The following CNTN5 variants were observed in gnomAD, a reference collection of about 807,000 sequenced individuals.
CNTN5 encodes the protein contactin-5.
In CNTN5, 77 loss-of-function variants were observed where a neutral mutation model predicts 129.1. That is an observed-to-expected ratio of 0.60 (90% CI 0.50 to 0.72). The LOEUF (loss-of-function observed/expected upper bound fraction) is 0.72, where lower values mean the gene tolerates loss of function less well. CNTN5 is among the 30% of genes least tolerant of loss of function. The pLI, the probability that CNTN5 is intolerant of heterozygous loss-of-function variation, is 0.00. For missense variants in CNTN5, 1,478 were observed against 1,328.8 expected (o/e 1.11, Z -1.75); for synonymous variants, 509 against 465.6 (o/e 1.09, Z -1.20).
At chr11:100,107,487 T>C (rs1004617120) in intron 13 of CNTN5, among the ~76,000 whole-genome samples, 1 of 134,842 alleles carries the variant, frequency 7.4e-6, no homozygotes, top group African/African-American at 3.0e-5. Flanking sequence ...ACTATAGTAT[T>C]CTTTTTTTTT....
At chr11:99,292,287 T>C (rs1379595890) in intron 1 of CNTN5, among the ~76,000 whole-genome samples, 1 of 150,738 alleles carries the variant, frequency 6.6e-6, no homozygotes, top group Non-Finnish European at 1.5e-5. Context: ...TCCACATTAA[T>C]AGTCCCTTGA....
intron 1 of CNTN5, among the ~76,000 whole-genome samples, chr11:99,309,476 T>G (rs1348125742): frequency 1.3e-5 from 2 of 152,248 alleles, no homozygotes; most frequent in Non-Finnish European, 2.9e-5. Flanking sequence ...CTCTTGATTC[T>G]TCACTTGCTT....
chr11:99,868,047 T>C (rs1484341572), intron 6 of CNTN5, among the ~76,000 whole-genome samples: 1 of 151,932 alleles, frequency 6.6e-6, no homozygotes. Flanking sequence ...AAACCCTGTG[T>C]CTACTAAAAA....
intron 6 of CNTN5, among the ~76,000 whole-genome samples, chr11:99,875,090 CA>C (rs1233849598): frequency 3.9e-5 from 6 of 152,154 alleles, no homozygotes; most frequent in Non-Finnish European, 8.8e-5. Flanking sequence ...TATACTGATA[CA>C]TATAACCCAA....
intron 1 of CNTN5, among the ~76,000 whole-genome samples, chr11:99,248,959 G>T (rs1861959628): frequency 6.6e-6 from 1 of 152,026 alleles, no homozygotes; most frequent in Non-Finnish European, 1.5e-5. Context: ...CTCTTTTTTG[G>T]TTCCATATGA....
At position 100,341,432 on chromosome 11, in the gene CNTN5, C is replaced by T. The variant is rs1473542380; in HGVS notation, c.3030+227C>T. On this transcript the variant is annotated intron_variant, in intron 23 of 24. Transcript: ENST00000524871. ...GAAAGGGAAGGAGTAGGAAAAGTAG[C>T]GACAATCTGAATGTAGTGTGAAGAT... 5.3e-5 allele frequency among the ~76,000 whole-genome samples: 8 copies of T among 152,230 alleles called. No homozygotes were observed. In the South Asian group the frequency reaches 6.2e-4, roughly 12 times the overall value.
rs551175892 is a variant in CNTN5, at chr11:99,386,424, G to A, written c.-71+60940G>A. Among the ~76,000 whole-genome samples the A allele has an allele frequency of 2.6e-5, 4 of 152,278 alleles. No homozygotes were observed. The South Asian group carries it at 6.2e-4, about 24-fold the overall frequency. On this transcript the variant is annotated intron_variant, in intron 2 of 24. Coordinates refer to ENST00000524871, the MANE Select transcript of CNTN5 (RefSeq NM_014361.4). ...CTAAACAAGGAGTGGATTATTCATG[G>A]CTCCTCTTTTTAGACCATCTAGAGT...
chr11:99,634,402 TG>T (rs1266438848), intron 3 of CNTN5, among the ~76,000 whole-genome samples: 4 of 152,178 alleles, frequency 2.6e-5, no homozygotes, highest in Non-Finnish European at 5.9e-5. Flanking sequence ...TTAGAAATTC[TG>T]AAGGTGTTTG....
intron 15 of CNTN5, among the ~76,000 whole-genome samples, chr11:100,212,586 C>A (rs938899660): frequency 6.6e-6 from 1 of 152,082 alleles, no homozygotes; most frequent in African/African-American, 2.4e-5. Context: ...GGCAAGAGTT[C>A]TTTGTGTAGG....
chr11:99,677,455 C>T (rs568693379), intron 3 of CNTN5, among the ~76,000 whole-genome samples: 53 of 152,194 alleles, frequency 3.5e-4, no homozygotes, highest in African/African-American at 1.2e-3. Context: ...CTGAACCAGC[C>T]GGTCAAGTTT....
intron 2 of CNTN5, among the ~76,000 whole-genome samples, chr11:99,379,691 A>T (rs1940409049): frequency 6.6e-6 from 1 of 152,202 alleles, no homozygotes; most frequent in Admixed American, 6.5e-5. Context: ...ATATACACAC[A>T]TGCATATATG....
chr11:99,467,832 C>G (rs984235981), intron 2 of CNTN5, among the ~76,000 whole-genome samples: 20 of 151,976 alleles, frequency 1.3e-4, no homozygotes, highest in African/African-American at 4.8e-4. Context: ...TATTAATGTG[C>G]TTATATCTTA....
At chr11:99,809,331 C>G (rs1392588417) in intron 3 of CNTN5, among the ~76,000 whole-genome samples, 1 of 152,052 alleles carries the variant, frequency 6.6e-6, no homozygotes, top group Admixed American at 6.6e-5. Flanking sequence ...AAAGTGATCT[C>G]CTTGAGGTTT....
At chr11:99,776,687 T>G (rs1045482221) in intron 3 of CNTN5, among the ~76,000 whole-genome samples, 6 of 151,820 alleles carry the variant, frequency 4.0e-5, no homozygotes, top group Non-Finnish European at 8.8e-5. Context: ...TGCATAAATA[T>G]ACAGCAGTGC....
intron 18 of CNTN5, among the ~76,000 whole-genome samples, chr11:100,294,463 T>C (rs1269128334): frequency 1.3e-5 from 2 of 151,710 alleles, no homozygotes; most frequent in African/African-American, 4.8e-5. Flanking sequence ...AAGTATCAAT[T>C]ACATTATCCA....
intron 1 of CNTN5, among the ~76,000 whole-genome samples, chr11:99,174,299 G>A (rs1857672641): frequency 6.6e-6 from 1 of 152,032 alleles, no homozygotes; most frequent in Admixed American, 6.6e-5. Context: ...CGCCCAGCGA[G>A]AATGACTTCT....
intron 8 of CNTN5, among the ~76,000 whole-genome samples, chr11:99,958,909 A>G (rs947932945): frequency 6.6e-6 from 1 of 152,028 alleles, no homozygotes; most frequent in African/African-American, 2.4e-5. Context: ...CACACCAGAG[A>G]CCTCTTTCTA....
chr11:99,617,908 C>T (rs554342420), intron 3 of CNTN5, among the ~76,000 whole-genome samples: 22 of 152,232 alleles, frequency 1.4e-4, no homozygotes, highest in African/African-American at 4.6e-4. Flanking sequence ...TTCCCATGTC[C>T]TGTACTAGAG....
intron 13 of CNTN5, 180 bp downstream of exon 13, chr11:100,074,474 G>T (rs566839909): frequency 6.6e-5 from 36 of 548,876 alleles, no homozygotes; most frequent in Non-Finnish European, 1.0e-4. Context: ...CTTCAAAATG[G>T]TCAGTCTTCT....
Sources: allele counts gnomAD v4.1 joint callset (sites outside exome capture counted in the v4.1 genomes callset), GRCh38; gene constraint gnomAD v4.1.1; transcripts MANE v1.5; gene names NCBI Gene and HGNC (gene_info 2026-07-23, HGNC 2026-07-21).